The following BANK1 variants were observed in gnomAD, a reference collection of about 807,000 sequenced individuals.
The protein encoded by BANK1 is B-cell scaffold protein with ankyrin repeats.
BANK1 carries 95 observed loss-of-function variants against 94.5 expected under a neutral mutation model. The ratio of observed to expected loss-of-function variants is 1.00; its 90% confidence interval spans 0.85 to 1.19. BANK1 has a LOEUF of 1.19. Ranked by LOEUF, BANK1 falls within the 50% of genes most tolerant of loss-of-function variation. The probability of loss-of-function intolerance (pLI) is 0.00; values close to 1 mark genes in which losing one functional copy is unlikely to be tolerated. For synonymous variants in BANK1, 334 were observed against 308.4 expected (o/e 1.08, Z -0.87); for missense variants, 987 against 932.2 (o/e 1.06, Z -0.77).
At chr4:101,815,266 G>A (rs1490922147) in intron 1 of BANK1, among the ~76,000 whole-genome samples, 1 of 152,112 alleles carries the variant, frequency 6.6e-6, no homozygotes, top group Non-Finnish European at 1.5e-5. Context: ...AGGTAAAATT[G>A]GGGGACTGAC....
intron 7 of BANK1, among the ~76,000 whole-genome samples, chr4:101,968,688 T>A (rs557402447): frequency 1.7e-4 from 26 of 152,094 alleles, no homozygotes; most frequent in South Asian, 4.2e-4. Flanking sequence ...AAATGAAATG[T>A]TTTAAAACTG....
chr4:101,876,096 A>G (rs752775891), intron 5 of BANK1, among the ~76,000 whole-genome samples: 45 of 152,176 alleles, frequency 3.0e-4, no homozygotes, highest in Non-Finnish European at 6.3e-4. Flanking sequence ...TGGTCAGAAT[A>G]GGGAACCCAC....
At chr4:101,891,018 C>A (rs1373704508) in intron 5 of BANK1, among the ~76,000 whole-genome samples, 2 of 152,020 alleles carry the variant, frequency 1.3e-5, no homozygotes, top group Non-Finnish European at 1.5e-5. Context: ...TATACCTTAT[C>A]TTTAACTGTC....
intron 7 of BANK1, among the ~76,000 whole-genome samples, chr4:101,986,897 G>GTATA (rs1377407537): frequency 0.025 from 1,454 of 57,982 alleles, 125 homozygotes; most frequent in Middle Eastern, 0.029. Flanking sequence ...GTGTGTGTGT[G>GTATA]TGTATATATA....
chr4:101,841,775 CT>C (rs940664252), intron 2 of BANK1, among the ~76,000 whole-genome samples: 3 of 115,572 alleles, frequency 2.6e-5, no homozygotes, highest in African/African-American at 6.5e-5. Context: ...TCCCTCCCCC[CT>C]CCCCCCACCC....
intron 10 of BANK1, among the ~76,000 whole-genome samples, chr4:102,039,695 G>A (rs1203132725): frequency 1.3e-5 from 2 of 152,046 alleles, no homozygotes; most frequent in Non-Finnish European, 2.9e-5. Context: ...ACAGAGGACA[G>A]TATGAAAACT....
chr4:101,807,466 G>A (rs892328386), intron 1 of BANK1, among the ~76,000 whole-genome samples: 5 of 152,064 alleles, frequency 3.3e-5, no homozygotes, highest in African/African-American at 1.2e-4. Context: ...ACATTGTCCT[G>A]GAAGTCATCA....
chr4:102,070,185 C>T (rs1184347910), intron 13 of BANK1, among the ~76,000 whole-genome samples: 1 of 152,116 alleles, frequency 6.6e-6, no homozygotes, highest in Non-Finnish European at 1.5e-5. Context: ...GAAAGAGACC[C>T]AAGCAGGCAC....
intron 5 of BANK1, among the ~76,000 whole-genome samples, chr4:101,879,347 T>A (rs936082516): frequency 6.6e-6 from 1 of 151,710 alleles, no homozygotes; most frequent in Non-Finnish European, 1.5e-5. Context: ...AAGTGGAAAA[T>A]CTAGAAGAAA....
chr4:101,949,967 T>G (rs1474989009), intron 7 of BANK1, among the ~76,000 whole-genome samples: 1 of 152,134 alleles, frequency 6.6e-6, no homozygotes, highest in East Asian at 1.9e-4. Flanking sequence ...CTTATTGGTT[T>G]AACTATGGGC....
At chr4:101,929,536 C>T (rs566019521) in intron 7 of BANK1, among the ~76,000 whole-genome samples, 2 of 151,550 alleles carry the variant, frequency 1.3e-5, no homozygotes, top group African/African-American at 2.4e-5. Context: ...GCTTTCAAAA[C>T]GAATGTAGGA....
rs189582938 is a variant in BANK1 at position 102,018,647 on chromosome 4, A to G, written c.1207-2867A>G. On this transcript the variant is annotated intron_variant, in intron 7 of 16. Transcript: ENST00000322953. ...ACAAGGACTATCTGTGGGTTGAAATATTACATTAAGCATGTTCAGCTAATA... is the reference window on the plus strand; with the variant it reads ...ACAAGGACTATCTGTGGGTTGAAATGTTACATTAAGCATGTTCAGCTAATA... Among the ~76,000 whole-genome samples, 6 of 152,322 alleles carry G rather than the reference A, an allele frequency of 3.9e-5. No individual in the cohort carries two copies. In the East Asian group the frequency reaches 1.2e-3, roughly 29 times the overall value.
Position 101,993,722 on chromosome 4 carries a change from G to A in BANK1, c.1207-27792G>A, listed in dbSNP as rs540431491. 1.9e-3 allele frequency among the ~76,000 whole-genome samples: 293 copies of A among 152,284 alleles called. 1 individual carries two copies. Among genetic ancestry groups the A allele is most frequent in the African/African-American group, 6.5e-3 (272 of 41,568 alleles). The stretch of plus-strand genomic sequence containing the variant: ...TATAGCCCAGAATCCTGGGCAGGGC[G>A]TTTGATTACGGAGAATATTCCTTTA... On this transcript the variant is annotated intron_variant, in intron 7 of 16. Coordinates refer to ENST00000322953, the MANE Select transcript of BANK1 (RefSeq NM_017935.5).
chr4:101,910,841 A>G (rs1473804966), intron 6 of BANK1, among the ~76,000 whole-genome samples: 1 of 152,072 alleles, frequency 6.6e-6, no homozygotes, highest in Non-Finnish European at 1.5e-5. Context: ...CATAGTAGGT[A>G]CTCTTCTAGA....
At chr4:101,808,208 A>G (rs1725626126) in intron 1 of BANK1, among the ~76,000 whole-genome samples, 1 of 152,158 alleles carries the variant, frequency 6.6e-6, no homozygotes, top group Non-Finnish European at 1.5e-5. Context: ...TTCTCTTGCA[A>G]ATATATATTT....
chr4:101,984,692 A>G (rs1217853211), intron 7 of BANK1, among the ~76,000 whole-genome samples: 1 of 152,108 alleles, frequency 6.6e-6, no homozygotes, highest in Non-Finnish European at 1.5e-5. Context: ...ATAAATGTGA[A>G]AATGAGATTC....
intron 7 of BANK1, among the ~76,000 whole-genome samples, chr4:101,939,103 G>A (rs1723663018): frequency 6.6e-6 from 1 of 151,546 alleles, no homozygotes; most frequent in Non-Finnish European, 1.5e-5. Flanking sequence ...TCCTAGTTTT[G>A]CAAGAATCCA....
At chr4:101,937,046 A>G (rs913222507) in intron 7 of BANK1, among the ~76,000 whole-genome samples, 1 of 151,672 alleles carries the variant, frequency 6.6e-6, no homozygotes, top group Non-Finnish European at 1.5e-5. Flanking sequence ...TTTGGAAGCT[A>G]CCTAAGTGTC....
Position 102,063,085 on chromosome 4 carries a change from G to T in BANK1, c.2159G>T (p.Arg720Leu), listed in dbSNP as rs192793442. 2 of 1,613,214 alleles carry T rather than the reference G, an allele frequency of 1.2e-6. No individual in the cohort carries two copies. The highest frequency in any genetic ancestry group is 1.7e-5 in the Admixed American group (1 of 59,946). Reference protein sequence around the residue: ...GLEMIQQEKLRQLRDCIIGKR... With the variant: ...GLEMIQQEKLLQLRDCIIGKR... ...TGTTTCCACATTAAGGAGAAATTAC[G>T]ACAACTACGAGACTGCATTATTGGG... Residue 720 changes from arginine to leucine, a missense_variant, in exon 13 of 17, where the codon CGA (arginine) becomes CTA (leucine). Transcript: ENST00000322953.
Sources: gnomAD v4.1 joint callset for allele counts (sites outside exome capture counted in the v4.1 genomes callset) on GRCh38, gnomAD v4.1.1 for gene constraint, MANE v1.5 for transcripts, NCBI Gene and HGNC (gene_info 2026-07-23, HGNC 2026-07-21) for gene names.